The following OXR1 variants were observed in gnomAD, a reference collection of about 807,000 sequenced individuals.
OXR1 encodes the protein oxidation resistance 1, also known as oxidation resistance protein 1.
A neutral mutation model predicts 104.6 loss-of-function variants in OXR1; 41 were observed. That is an observed-to-expected ratio of 0.39 (90% CI 0.31 to 0.51). The LOEUF is 0.51. OXR1 is among the 20% of genes least tolerant of loss of function. The probability of loss-of-function intolerance (pLI) is 0.77; values close to 1 mark genes in which losing one functional copy is unlikely to be tolerated. For synonymous variants in OXR1, 348 were observed against 348.4 expected (o/e 1.00, Z 0.01); for missense variants, 955 against 1,031.9 (o/e 0.93, Z 1.02).
At chr8:106,424,766 T>A (rs1386695163) in intron 2 of OXR1, among the ~76,000 whole-genome samples, 1 of 152,170 alleles carries the variant, frequency 6.6e-6, no homozygotes, top group Non-Finnish European at 1.5e-5. Context: ...TTCCTTGGAC[T>A]CTATTTTTGA....
chr8:106,358,476 A>G (rs910805845), intron 1 of OXR1, among the ~76,000 whole-genome samples: 4 of 152,086 alleles, frequency 2.6e-5, no homozygotes, highest in African/African-American at 9.7e-5. Context: ...CACTTTCCCT[A>G]TTTTATTGAA....
At chr8:106,562,618 G>T (rs916741213) in intron 3 of OXR1, among the ~76,000 whole-genome samples, 1 of 151,976 alleles carries the variant, frequency 6.6e-6, no homozygotes, top group Non-Finnish European at 1.5e-5. Context: ...GAAATAAAGA[G>T]AACACCACAA....
chr8:106,402,800 C>T (rs571085222), intron 2 of OXR1, among the ~76,000 whole-genome samples: 2 of 152,066 alleles, frequency 1.3e-5, no homozygotes, highest in East Asian at 1.9e-4. Context: ...TTGAAAGGGT[C>T]CTATTTCTTT....
chr8:106,511,497 C>T (rs996166255), intron 2 of OXR1, among the ~76,000 whole-genome samples: 3 of 152,006 alleles, frequency 2.0e-5, no homozygotes, highest in African/African-American at 7.3e-5. Flanking sequence ...GCCTTTGGGG[C>T]ACAGTCATTC....
At chr8:106,579,002 T>G (rs1818052169) in intron 3 of OXR1, among the ~76,000 whole-genome samples, 1 of 145,230 alleles carries the variant, frequency 6.9e-6, no homozygotes, top group Non-Finnish European at 1.5e-5. Flanking sequence ...TTTTTTTTTT[T>G]GCCTAGTATG....
intron 3 of OXR1, among the ~76,000 whole-genome samples, chr8:106,566,812 C>T (rs1156289718): frequency 6.6e-6 from 1 of 152,140 alleles, no homozygotes; most frequent in Non-Finnish European, 1.5e-5. Context: ...GAGTTCATGT[C>T]CTTTGCAGGG....
At chr8:106,431,205 T>G (rs1457197000) in intron 2 of OXR1, among the ~76,000 whole-genome samples, 1 of 152,126 alleles carries the variant, frequency 6.6e-6, no homozygotes, top group East Asian at 1.9e-4. Flanking sequence ...GCAACAGAGA[T>G]GAATTGTCCC....
intron 11 of OXR1, among the ~76,000 whole-genome samples, chr8:106,727,071 T>C (rs868298973): frequency 3.4e-4 from 51 of 152,232 alleles, no homozygotes; most frequent in African/African-American, 1.2e-3. Flanking sequence ...TAATAGGTGT[T>C]ATTTTTAATT....
chr8:106,649,011 G>A (rs3132802), intron 3 of OXR1, among the ~76,000 whole-genome samples: 54,268 of 151,918 alleles, frequency 0.36, 10,302 homozygotes, highest in African/African-American at 0.48. Context: ...TGAAGAACAG[G>A]CTGGGCAACA....
At chr8:106,290,828 C>T (rs947207887) in intron 1 of OXR1, among the ~76,000 whole-genome samples, 5 of 152,146 alleles carry the variant, frequency 3.3e-5, no homozygotes, top group East Asian at 1.9e-4. Context: ...AAAGGGAATG[C>T]TTATACATTG....
chr8:106,687,456 C>CAAG (rs1325458861), intron 6 of OXR1, among the ~76,000 whole-genome samples: 1 of 152,160 alleles, frequency 6.6e-6, no homozygotes, highest in Non-Finnish European at 1.5e-5. Context: ...CATAGTGGCT[C>CAAG]ACGCTGGTAA....
At chr8:106,432,216 C>G (rs1819389223) in intron 2 of OXR1, among the ~76,000 whole-genome samples, 1 of 152,188 alleles carries the variant, frequency 6.6e-6, no homozygotes, top group Admixed American at 6.5e-5. Context: ...AGCATCAGTG[C>G]AACACTACTC....
Position 106,706,416 on chromosome 8 carries a change from C to T in OXR1, c.895C>T (p.His299Tyr), listed in dbSNP as rs757421094. ...TCAGCTATCAGGAAGGGACTTCTGCCATTCAAAGAAAATGACAGGAAGTAA... is the reference window on the plus strand; with the variant it reads ...TCAGCTATCAGGAAGGGACTTCTGCTATTCAAAGAAAATGACAGGAAGTAA... ...IDQLSGRDFC[H>Y]SKKMTGSNTE... The change falls in exon 9 of 17, where the codon CAT (histidine) becomes TAT (tyrosine). Residue 299 changes from histidine to tyrosine, a missense_variant. By Grantham distance (83) the His-to-Tyr change is moderately conservative. This residue lies in a region of OXR1 where 849 missense variants were observed against 852.9 expected (regional missense o/e 1.00). Coordinates refer to ENST00000517566, the MANE Select transcript of OXR1 (RefSeq NM_001198533.2). 1 of 1,583,018 alleles carries T rather than the reference C, an allele frequency of 6.3e-7. No individual in the cohort carries two copies. Among genetic ancestry groups the T allele is most frequent in the Non-Finnish European group, 8.5e-7 (1 of 1,171,206 alleles).
At chr8:106,555,192 A>T (rs1816171120) in intron 3 of OXR1, among the ~76,000 whole-genome samples, 1 of 152,106 alleles carries the variant, frequency 6.6e-6, no homozygotes, top group Non-Finnish European at 1.5e-5. Flanking sequence ...TACCCTTGGA[A>T]ACCACTGTTT....
intron 3 of OXR1, among the ~76,000 whole-genome samples, chr8:106,548,306 A>G (rs553690776): frequency 6.6e-5 from 10 of 152,306 alleles, no homozygotes; most frequent in Non-Finnish European, 1.2e-4. Context: ...TTAAACGACT[A>G]CTTAACATCT....
intron 3 of OXR1, among the ~76,000 whole-genome samples, chr8:106,606,694 A>G (rs1820425775): frequency 1.3e-5 from 2 of 152,004 alleles, no homozygotes; most frequent in Non-Finnish European, 2.9e-5. Context: ...GCCCACCTGG[A>G]TAATTCAGTA....
intron 1 of OXR1, among the ~76,000 whole-genome samples, chr8:106,340,870 CTG>C (rs10569212): frequency 0.24 from 36,702 of 151,990 alleles, 7,194 homozygotes; most frequent in African/African-American, 0.54. Flanking sequence ...CTTAAAGCCT[CTG>C]TATTATTCAA....
intron 2 of OXR1, among the ~76,000 whole-genome samples, chr8:106,424,579 C>A (rs1222049913): frequency 6.6e-6 from 1 of 152,106 alleles, no homozygotes; most frequent in African/African-American, 2.4e-5. Flanking sequence ...AAGAGCACTA[C>A]AATGACCATA....
intron 1 of OXR1, among the ~76,000 whole-genome samples, chr8:106,328,262 A>G (rs1814561156): frequency 6.6e-6 from 1 of 152,210 alleles, no homozygotes. Context: ...GAAGAATGGG[A>G]AACTGATATG....
Sources: allele counts gnomAD v4.1 joint callset (sites outside exome capture counted in the v4.1 genomes callset), GRCh38; gene constraint gnomAD v4.1.1; regional missense constraint gnomAD v4.1.1; transcripts MANE v1.5; gene names NCBI Gene and HGNC (gene_info 2026-07-23, HGNC 2026-07-21).